The following USP37 variants were observed in gnomAD, a reference collection of about 807,000 sequenced individuals.
USP37 encodes ubiquitin specific peptidase 37.
USP37 carries 27 observed loss-of-function variants against 124.0 expected under a neutral mutation model. The observed-to-expected ratio is 0.22, with a 90% CI of 0.16 to 0.30. The LOEUF is 0.30. Ranked by LOEUF, USP37 falls within the 10% of genes least tolerant of loss-of-function variation. The pLI, the probability that USP37 is intolerant of heterozygous loss-of-function variation, is 1.00. For synonymous variants in USP37, 365 were observed against 388.0 expected (o/e 0.94, Z 0.70); for missense variants, 889 against 1,140.4 (o/e 0.78, Z 3.17).
At chr2:218,468,215 AT>A (rs1446341248) in intron 20 of USP37, among the ~76,000 whole-genome samples, 1 of 150,606 alleles carries the variant, frequency 6.6e-6, no homozygotes, top group African/African-American at 2.4e-5. Context: ...TATTATTATT[AT>A]TTTTTGAGAT....
At chr2:218,459,075 A>T (rs1056002224) in intron 23 of USP37, among the ~76,000 whole-genome samples, 4 of 41,288 alleles carry the variant, frequency 9.7e-5, no homozygotes, top group Admixed American at 7.5e-4. Context: ...GGGGGGAAAA[A>T]GGGTTAAAAA....
chr2:218,557,383 C>G (rs988019059), intron 4 of USP37, among the ~76,000 whole-genome samples: 13 of 152,050 alleles, frequency 8.5e-5, no homozygotes, highest in Admixed American at 4.6e-4. Flanking sequence ...TGCAAAAAAC[C>G]CTTTCTTTTG....
Position 218,479,678 on chromosome 2 carries a change from A to G in USP37, c.1873T>C (p.Cys625Arg). ...PLKASQMVNS[C>R]ITSPSTPSKK... is the part of the protein sequence containing the mutation. ...GAAGGTGTAGAAGGGCTGGTGATGC[A>G]GGAATTCACCATTTGAGAGGCTTTC... The change falls in exon 18 of 26, where the codon TGC becomes CGC. Residue 625 changes from cysteine (C) to arginine (R), a missense_variant. By Grantham distance (180) the Cys-to-Arg change is radical. Coordinates refer to ENST00000258399, the MANE Select transcript of USP37 (RefSeq NM_020935.3). 6.2e-7 allele frequency: 1 copy of G among 1,612,526 alleles called. No homozygotes were observed. Among genetic ancestry groups the G allele is most frequent in the Non-Finnish European group, 8.5e-7 (1 of 1,179,170 alleles).
chr2:218,455,084 GA>G (rs1689620400), intron 25 of USP37, 67 bp from the exon 26 acceptor site: 13 of 1,581,078 alleles, frequency 8.2e-6, no homozygotes, highest in Non-Finnish European at 1.0e-5. Context: ...ATAGGCAGGA[GA>G]AAAAGTAAAA....
At chr2:218,459,387 TAG>T (rs1379382595) in intron 23 of USP37, among the ~76,000 whole-genome samples, 1 of 152,116 alleles carries the variant, frequency 6.6e-6, no homozygotes, top group East Asian at 1.9e-4. Context: ...GCATTTTTAG[TAG>T]AGACAGGGTT....
intron 4 of USP37, among the ~76,000 whole-genome samples, chr2:218,555,838 A>T (rs1692941756): frequency 6.6e-6 from 1 of 152,168 alleles, no homozygotes; most frequent in South Asian, 2.1e-4. Context: ...ATCATGGAAG[A>T]CATAAAAGTG....
At chr2:218,457,462 A>G (rs1689757104) in intron 23 of USP37, among the ~76,000 whole-genome samples, 1 of 152,214 alleles carries the variant, frequency 6.6e-6, no homozygotes, top group African/African-American at 2.4e-5. Context: ...ATATCAATTC[A>G]ATATAATAAT....
chr2:218,551,394 A>C (rs1003377249), intron 5 of USP37, among the ~76,000 whole-genome samples: 5 of 152,366 alleles, frequency 3.3e-5, no homozygotes, highest in Admixed American at 2.0e-4. Context: ...CTGAGTGCCT[A>C]GCATAGGGAA....
chr2:218,456,797 C>A (rs1032660407), intron 24 of USP37, among the ~76,000 whole-genome samples: 9 of 151,922 alleles, frequency 5.9e-5, no homozygotes, highest in Non-Finnish European at 1.2e-4. Flanking sequence ...TGGTGAAACC[C>A]CATCTCTACT....
intron 11 of USP37, among the ~76,000 whole-genome samples, chr2:218,508,620 A>G (rs1455001466): frequency 1.3e-5 from 2 of 152,198 alleles, no homozygotes; most frequent in African/African-American, 4.8e-5. Flanking sequence ...GATAAGACCA[A>G]TATAAAATGT....
Position 218,567,837 on chromosome 2 carries a change from C to G in USP37, c.-230+341G>C, listed in dbSNP as rs543068145. ...CAAGAGAGTGAATGAGTATCATGTC[C>G]AAGGCCTGGTGGATGTGCCGTAACG... On this transcript the variant is annotated intron_variant, in intron 1 of 25. Coordinates refer to ENST00000258399, the MANE Select transcript of USP37 (RefSeq NM_020935.3). Among the ~76,000 whole-genome samples, 17 of 152,290 alleles carry G rather than the reference C, an allele frequency of 1.1e-4. 1 individual carries two copies. In the South Asian group the frequency reaches 3.5e-3, roughly 32 times the overall value.
At chr2:218,543,135 T>C (rs1193899523) in intron 8 of USP37, among the ~76,000 whole-genome samples, 1 of 152,216 alleles carries the variant, frequency 6.6e-6, no homozygotes, top group African/African-American at 2.4e-5. Flanking sequence ...GTGCTTCTTA[T>C]TGCTTTCAAC....
At chr2:218,541,495 C>A (rs1406275452) in intron 8 of USP37, among the ~76,000 whole-genome samples, 1 of 152,110 alleles carries the variant, frequency 6.6e-6, no homozygotes, top group Non-Finnish European at 1.5e-5. Context: ...CAACCACAGT[C>A]TGACAAGCAC....
intron 10 of USP37, among the ~76,000 whole-genome samples, chr2:218,511,490 A>G (rs1003304469): frequency 1.3e-5 from 2 of 152,144 alleles, no homozygotes; most frequent in African/African-American, 4.8e-5. Context: ...TTGTATTTTT[A>G]GTAGAAACGG....
At chr2:218,528,586 C>A (rs1455320750) in intron 10 of USP37, 6 of 393,652 alleles carry the variant, frequency 1.5e-5, no homozygotes, top group African/African-American at 1.2e-4. Flanking sequence ...ATCCATGTCT[C>A]TGCAAAGGAC....
chr2:218,484,305 C>T (rs1691428861), intron 16 of USP37, among the ~76,000 whole-genome samples: 1 of 152,092 alleles, frequency 6.6e-6, no homozygotes, highest in Admixed American at 6.5e-5. Context: ...CACACCCAGC[C>T]TTTATAAAGT....
chr2:218,551,688 T>G (rs1692669616), intron 5 of USP37, among the ~76,000 whole-genome samples: 1 of 152,232 alleles, frequency 6.6e-6, no homozygotes, highest in Non-Finnish European at 1.5e-5. Flanking sequence ...TATCAATTGT[T>G]AAAACAGTGA....
At chr2:218,552,950 TA>T (rs1692748476) in intron 5 of USP37, among the ~76,000 whole-genome samples, 1 of 147,622 alleles carries the variant, frequency 6.8e-6, no homozygotes, top group Non-Finnish European at 1.5e-5. Context: ...AACAAATAAA[TA>T]AATAATAAAA....
At chr2:218,535,184 T>C (rs1559214312) in intron 8 of USP37, among the ~76,000 whole-genome samples, 1 of 142,558 alleles carries the variant, frequency 7.0e-6, no homozygotes, top group Admixed American at 7.0e-5. Context: ...GCCAACATAG[T>C]GAAACCCCGT....
Sources: allele counts gnomAD v4.1 joint callset (sites outside exome capture counted in the v4.1 genomes callset), GRCh38; gene constraint gnomAD v4.1.1; transcripts MANE v1.5; gene names NCBI Gene and HGNC (gene_info 2026-07-23, HGNC 2026-07-21).